CHRM2: variants seen among roughly 807,000 people sequenced by gnomAD.
CHRM2 encodes cholinergic receptor muscarinic 2.
CHRM2 carries 8 observed loss-of-function variants against 25.0 expected under a neutral mutation model. That is an observed-to-expected ratio of 0.32 (90% CI 0.19 to 0.58). CHRM2 has a LOEUF of 0.58. Among genes scored for constraint, CHRM2 ranks in the 20% least tolerant of loss-of-function variants. CHRM2 has a pLI of 0.88. For synonymous variants in CHRM2, 202 were observed against 205.7 expected (o/e 0.98, Z 0.15); for missense variants, 440 against 567.1 (o/e 0.78, Z 2.28).
At chr7:136,914,607 G>T (rs1365963389) in intron 2 of CHRM2, among the ~76,000 whole-genome samples, 3 of 151,862 alleles carry the variant, frequency 2.0e-5, no homozygotes, top group East Asian at 3.9e-4. Flanking sequence ...AGAAACTAAG[G>T]CAGTATTATA....
chr7:136,939,151 G>C (rs1799613732), intron 2 of CHRM2, among the ~76,000 whole-genome samples: 1 of 152,124 alleles, frequency 6.6e-6, no homozygotes. Flanking sequence ...GGAAGCAGTA[G>C]CAGAAGGGAA....
intron 3 of CHRM2, among the ~76,000 whole-genome samples, chr7:137,003,470 GCATACACACACACACACA>G (rs1255010986): frequency 2.6e-5 from 3 of 114,596 alleles, no homozygotes; most frequent in African/African-American, 3.7e-5. Context: ...ATGCATGCAT[GCATACACACACACACACA>G]CACACACACA....
chr7:136,933,077 A>G (rs1799208027), intron 2 of CHRM2, among the ~76,000 whole-genome samples: 1 of 151,660 alleles, frequency 6.6e-6, no homozygotes, highest in African/African-American at 2.4e-5. Flanking sequence ...TTTTTTAAAT[A>G]GATAAATTGG....
At chr7:136,930,010 T>C (rs1417118053) in intron 2 of CHRM2, among the ~76,000 whole-genome samples, 1 of 152,194 alleles carries the variant, frequency 6.6e-6, no homozygotes, top group East Asian at 1.9e-4. Context: ...GGATTGAATG[T>C]TTCATTAATT....
intron 2 of CHRM2, among the ~76,000 whole-genome samples, chr7:136,948,744 A>G (rs1176989697): frequency 1.3e-5 from 2 of 152,210 alleles, no homozygotes; most frequent in Admixed American, 1.3e-4. Flanking sequence ...TCTGGTGAAC[A>G]GAGAGTGAGG....
At chr7:136,942,854 TTCTC>T (rs1799853632) in intron 2 of CHRM2, among the ~76,000 whole-genome samples, 1 of 152,026 alleles carries the variant, frequency 6.6e-6, no homozygotes, top group South Asian at 2.1e-4. Context: ...AGTTCTTTTC[TTCTC>T]TCTTTTCTTT....
intron 2 of CHRM2, among the ~76,000 whole-genome samples, chr7:136,961,175 C>G (rs915917561): frequency 3.9e-5 from 6 of 151,944 alleles, no homozygotes; most frequent in African/African-American, 7.3e-5. Context: ...AACCATACTT[C>G]AAGGACCCAT....
intron 2 of CHRM2, among the ~76,000 whole-genome samples, chr7:136,930,431 TA>T (rs959585452): frequency 3.3e-5 from 5 of 152,162 alleles, no homozygotes; most frequent in African/African-American, 1.2e-4. Context: ...CCAGACCTTC[TA>T]AATCACAATC....
intron 2 of CHRM2, among the ~76,000 whole-genome samples, chr7:136,989,316 G>A (rs1229554682): frequency 6.6e-6 from 1 of 151,872 alleles, no homozygotes; most frequent in East Asian, 1.9e-4. Flanking sequence ...ATATTTAAAG[G>A]GATGAAAGTT....
intron 2 of CHRM2, among the ~76,000 whole-genome samples, chr7:136,925,870 C>A (rs1234228862): frequency 6.6e-5 from 10 of 152,198 alleles, no homozygotes; most frequent in Non-Finnish European, 1.3e-4. Context: ...CTTCTATTTG[C>A]CTCCTGGGAG....
At chr7:136,978,958 A>G (rs1802296810) in intron 2 of CHRM2, among the ~76,000 whole-genome samples, 1 of 152,206 alleles carries the variant, frequency 6.6e-6, no homozygotes, top group Admixed American at 6.5e-5. Context: ...TCTTTTGGGT[A>G]TATACCCAAT....
At chr7:136,960,784 T>C (rs779885634) in intron 2 of CHRM2, among the ~76,000 whole-genome samples, 1 of 152,192 alleles carries the variant, frequency 6.6e-6, no homozygotes, top group Non-Finnish European at 1.5e-5. Context: ...TCACTTGCAA[T>C]GGTTCAACTT....
intron 2 of CHRM2, among the ~76,000 whole-genome samples, chr7:136,969,078 G>T (rs1801599406): frequency 6.6e-6 from 1 of 152,026 alleles, no homozygotes; most frequent in Non-Finnish European, 1.5e-5. Context: ...GAGAAATTTT[G>T]CTTGGAAAGA....
intron 3 of CHRM2, among the ~76,000 whole-genome samples, chr7:136,994,684 C>G (rs1803473889): frequency 1.3e-5 from 2 of 151,370 alleles, no homozygotes; most frequent in Non-Finnish European, 2.9e-5. Context: ...TGTCTTTATT[C>G]AAATAATTGT....
intron 2 of CHRM2, among the ~76,000 whole-genome samples, chr7:136,921,668 C>A (rs1289859287): frequency 6.6e-6 from 1 of 152,146 alleles, no homozygotes; most frequent in Non-Finnish European, 1.5e-5. Context: ...CTTGTCACCC[C>A]TACTCAGAAA....
chr7:136,972,293 A>C (rs1801829803), intron 2 of CHRM2, among the ~76,000 whole-genome samples: 1 of 152,124 alleles, frequency 6.6e-6, no homozygotes, highest in African/African-American at 2.4e-5. Context: ...CTTGAGGGAA[A>C]TTTCTGGTAT....
intron 2 of CHRM2, among the ~76,000 whole-genome samples, chr7:136,892,337 G>A (rs1796723497): frequency 6.6e-6 from 1 of 152,166 alleles, no homozygotes; most frequent in African/African-American, 2.4e-5. Flanking sequence ...ACAAAGGAAA[G>A]CCATTCTATA....
chr7:136,963,577 T>C (rs1801228596), intron 2 of CHRM2, among the ~76,000 whole-genome samples: 1 of 152,176 alleles, frequency 6.6e-6, no homozygotes, highest in Non-Finnish European at 1.5e-5. Context: ...AAATTAATGT[T>C]GGAAATTAAT....
At chr7:136,998,454 G>A (rs1195617902) in intron 3 of CHRM2, among the ~76,000 whole-genome samples, 10 of 152,168 alleles carry the variant, frequency 6.6e-5, no homozygotes, top group South Asian at 2.1e-4. Context: ...AGGGAGACGT[G>A]AGTGACATCA....
Sources: gnomAD v4.1 joint callset for allele counts (sites outside exome capture counted in the v4.1 genomes callset) on GRCh38, gnomAD v4.1.1 for gene constraint, MANE v1.5 for transcripts, NCBI Gene and HGNC (gene_info 2026-07-23, HGNC 2026-07-21) for gene names.